The following MDN1 variants were observed in gnomAD, a reference collection of about 807,000 sequenced individuals.
MDN1 encodes midasin AAA ATPase 1, also known as midasin.
MDN1 carries 266 observed loss-of-function variants against 669.2 expected under a neutral mutation model. That is an observed-to-expected ratio of 0.40 (90% CI 0.36 to 0.44). The LOEUF is 0.44. MDN1 is among the 20% of genes least tolerant of loss of function. The probability of loss-of-function intolerance (pLI) is 1.00; values close to 1 mark genes in which losing one functional copy is unlikely to be tolerated. For missense variants in MDN1, 5,940 were observed against 6,754.0 expected, an observed-to-expected ratio of 0.88 and a Z score of 4.22; for synonymous variants, 2,385 against 2,457.1, an observed-to-expected ratio of 0.97 and a Z score of 0.87.
chr6:89,758,057 A>G (rs1817341010), intron 19 of MDN1, among the ~76,000 whole-genome samples, 198 bp downstream of exon 19: 1 of 152,110 alleles, frequency 6.6e-6, no homozygotes, highest in South Asian at 2.1e-4. Flanking sequence ...CAGAAAAAAA[A>G]TAAAAAAATA....
At position 89,658,753 on chromosome 6, in the gene MDN1, C is replaced by T. The variant is rs771194167; in HGVS notation, c.14878G>A (p.Gly4960Arg). 6 of 1,614,042 alleles carry T rather than the reference C, an allele frequency of 3.7e-6. No homozygotes were observed. The highest frequency in any genetic ancestry group is 1.1e-5 in the South Asian group (1 of 91,080). ...GCATCTCCATCTTGGTCATCAGCTC[C>T]TGTGTCCATTTCCTCTTCCCCTTCT... ...KAEGEEEMDTGADDQDGDAAQ... is the reference protein window; with the variant it reads ...KAEGEEEMDTRADDQDGDAAQ... Residue 4960 changes from glycine (G) to arginine (R), a missense_variant, in exon 89 of 102, where the codon GGA becomes AGA. Physicochemically the swap from Gly to Arg is moderately radical, Grantham distance 125. Coordinates refer to ENST00000369393, the MANE Select transcript of MDN1 (RefSeq NM_014611.3).
At chr6:89,818,484 T>A (rs543864220) in intron 1 of MDN1, among the ~76,000 whole-genome samples, 1 of 151,568 alleles carries the variant, frequency 6.6e-6, no homozygotes, top group Non-Finnish European at 1.5e-5. Context: ...AAAAAAATTT[T>A]TTTTTTAATT....
intron 27 of MDN1, 92 bp from the exon 28 acceptor site, chr6:89,745,718 C>T: frequency 8.0e-7 from 1 of 1,247,248 alleles, no homozygotes; most frequent in Non-Finnish European, 1.1e-6. Context: ...AATAGAAACT[C>T]TCATACGCGG....
chr6:89,702,234 G>A (rs1044357841), intron 53 of MDN1, among the ~76,000 whole-genome samples, 173 bp from the exon 54 acceptor site: 3 of 152,358 alleles, frequency 2.0e-5, no homozygotes, highest in African/African-American at 7.2e-5. Flanking sequence ...TCTAAGACTG[G>A]ACTGGAATAT....
intron 1 of MDN1, among the ~76,000 whole-genome samples, chr6:89,816,673 CT>C (rs538796145): frequency 0.02 from 2,737 of 138,028 alleles, 26 homozygotes; most frequent in African/African-American, 0.057. Context: ...ACACCCCTAT[CT>C]TTTTTTTTTT....
rs1348461527 is a variant in MDN1, at chr6:89,658,722, T to A, written c.14909A>T (p.Gln4970Leu). Residue 4970 changes from glutamine to leucine, a missense_variant, in exon 89 of 102, where the codon CAG (glutamine) becomes CTG (leucine). By Grantham distance (113) the Gln-to-Leu change is moderately radical. Coordinates refer to ENST00000369393, the MANE Select transcript of MDN1 (RefSeq NM_014611.3). ...GADDQDGDAA[Q>L]HPEEHSEEQQ... Reference sequence around the variant, plus strand: ...CTCCTCAGAGTGTTCTTCAGGATGCTGAGCAGCATCTCCATCTTGGTCATC... The same window carrying A: ...CTCCTCAGAGTGTTCTTCAGGATGCAGAGCAGCATCTCCATCTTGGTCATC... 1 of 1,614,210 alleles carries A rather than the reference T, an allele frequency of 6.2e-7. No individual in the cohort carries two copies. Among genetic ancestry groups the A allele is most frequent in the Admixed American group, 1.7e-5 (1 of 60,028 alleles).
At position 89,819,692 on chromosome 6, in the gene MDN1, A is replaced by T; in HGVS notation, c.-85T>A. On this transcript the variant is annotated 5_prime_UTR_variant, in exon 1 of 102. Transcript: ENST00000369393. ...CAAGCCGCCGAGGTCCCAGTGCCCG[A>T]GCAGCCAGCAACTACGCCCGCAGGA... 1.8e-6 allele frequency: 2 copies of T among 1,127,548 alleles called. No homozygotes were observed. Among genetic ancestry groups the T allele is most frequent in the Non-Finnish European group, 2.6e-6 (2 of 756,228 alleles). 69.8% of individuals were successfully genotyped at this position (1,127,548 alleles called of 1,614,324 possible).
intron 15 of MDN1, among the ~76,000 whole-genome samples, chr6:89,770,036 T>A (rs1384705630): frequency 1.3e-5 from 2 of 152,096 alleles, no homozygotes; most frequent in East Asian, 3.9e-4. Flanking sequence ...AGTTCAAGGC[T>A]GTGCTAAGCC....
Position 89,745,342 on chromosome 6 carries a change from C to T in MDN1, c.4109G>A (p.Arg1370Gln), listed in dbSNP as rs1409876112. 1.2e-5 allele frequency: 20 copies of T among 1,613,974 alleles called. No individual in the cohort carries two copies. Among genetic ancestry groups the T allele is most frequent in the East Asian group, 2.2e-5 (1 of 44,850 alleles). Reference sequence around the variant, plus strand: ...CCTTCCCACTAGCATCGCGAGTCTCCGCATGCCCTCAGTCCACACGATATG... The same window carrying T: ...CCTTCCCACTAGCATCGCGAGTCTCTGCATGCCCTCAGTCCACACGATATG... ...FGHIVWTEGM[R>Q]RLAMLVGRAL... Residue 1370 changes from arginine (R) to glutamine (Q), a missense_variant, in exon 29 of 102, where the codon CGG becomes CAG. Transcript: ENST00000369393.
chr6:89,714,598 G>C lies in MDN1; in HGVS notation c.7014C>G (p.Asn2338Lys), dbSNP rs549556478. The change falls in exon 46 of 102, where the codon AAC becomes AAG. Residue 2338 changes from asparagine (N) to lysine (K), a missense_variant. By Grantham distance (94) the Asn-to-Lys change is moderately conservative (BLOSUM62 0). Transcript: ENST00000369393. ...AAGCCAAGAGGATGTCACATACACT[G>C]TTCCCCACCAATCCAAGGCTGTGCA... ...VLLHSLGLVGNSVCDILLALH... is the reference protein window; with the variant it reads ...VLLHSLGLVGKSVCDILLALH... 2.5e-6 allele frequency: 4 copies of C among 1,614,066 alleles called. No individual in the cohort carries two copies. In the South Asian group the frequency reaches 3.3e-5, roughly 13 times the overall value.
chr6:89,661,663 G>GA, intron 87 of MDN1, 85 bp from the exon 88 acceptor site: 1 of 1,290,594 alleles, frequency 7.7e-7, no homozygotes, highest in Non-Finnish European at 1.1e-6. Flanking sequence ...TCAGCTCTAA[G>GA]TATTTACACT....
intron 40 of MDN1, among the ~76,000 whole-genome samples, chr6:89,720,811 T>C (rs2128313467): frequency 6.6e-6 from 1 of 152,364 alleles, no homozygotes; most frequent in South Asian, 2.1e-4. Flanking sequence ...AGTTAGTGTG[T>C]AATTAGATTC....
At chr6:89,693,194 C>G (rs768371798) in intron 62 of MDN1, 46 bp from the exon 63 acceptor site, 1 of 1,379,180 alleles carries the variant, frequency 7.3e-7, no homozygotes, top group South Asian at 1.4e-5. Context: ...AGAAGAAGAG[C>G]AGCAAATCTA....
At chr6:89,799,967 G>T (rs189381571) in intron 2 of MDN1, among the ~76,000 whole-genome samples, 4 of 152,200 alleles carry the variant, frequency 2.6e-5, no homozygotes, top group Admixed American at 6.5e-5. Flanking sequence ...TAAGGAGTGG[G>T]GGGCACTGGT....
chr6:89,693,984 T>G (rs1812551420), intron 62 of MDN1, 90 bp downstream of exon 62: 2 of 1,004,534 alleles, frequency 2.0e-6, no homozygotes, highest in Admixed American at 3.6e-5. Context: ...TTTAGAGGTG[T>G]ATATTATCAC....
chr6:89,695,987 G>A lies in MDN1; in HGVS notation c.9389C>T (p.Thr3130Met), dbSNP rs115931523. The A allele has an allele frequency of 3.7e-4, 595 of 1,605,158 alleles. 5 individuals carry two copies. In the East Asian group the frequency reaches 0.01, roughly 28 times the overall value. ...AISSVAEFRR[T>M]DSQLQGQVLF... is the part of the protein sequence containing the mutation. ...CACCTGCCCCTGGAGTTGGGAATCC[G>A]TGCGTCTGTGGGGACAAAAAGAAAG... The change falls in exon 61 of 102, where the codon ACG (threonine) becomes ATG (methionine). Residue 3130 changes from threonine to methionine, a missense_variant. Thr to Met is a moderately conservative substitution (Grantham distance 81). Around this residue, in one of 5 missense-constraint regions of MDN1, gnomAD observed 2,292 missense variants for 2,638.3 expected, o/e 0.87. Transcript: ENST00000369393. This position sits in a 1 kb window ranked among gnomAD's most constrained non-coding sequence, Gnocchi z 4.1.
intron 29 of MDN1, among the ~76,000 whole-genome samples, chr6:89,744,932 C>G (rs1388217240): frequency 1.3e-5 from 2 of 149,962 alleles, no homozygotes; most frequent in Non-Finnish European, 3.0e-5. Flanking sequence ...AGAACCTAGT[C>G]TGAAGGTAGA....
At chr6:89,743,818 C>G in intron 29 of MDN1, 104 bp from the exon 30 acceptor site, 1 of 1,274,322 alleles carries the variant, frequency 7.8e-7, no homozygotes, top group Non-Finnish European at 1.1e-6. Flanking sequence ...AGTCTCACTG[C>G]AGCAGTAAAC....
chr6:89,725,774 G>C (rs1312346308), intron 37 of MDN1, among the ~76,000 whole-genome samples: 1 of 139,760 alleles, frequency 7.2e-6, no homozygotes, highest in Admixed American at 7.5e-5. Flanking sequence ...CCAAGGTCTT[G>C]TTATGTTGTC....
Sources: allele counts gnomAD v4.1 joint callset (sites outside exome capture counted in the v4.1 genomes callset), GRCh38; gene constraint gnomAD v4.1.1; regional missense constraint gnomAD v4.1.1; non-coding constraint Gnocchi (gnomAD v3.1); transcripts MANE v1.5; gene names NCBI Gene and HGNC (gene_info 2026-07-23, HGNC 2026-07-21).